FCHSD2: variants seen among roughly 807,000 people sequenced by gnomAD.
The protein encoded by FCHSD2 is FCH and double SH3 domains 2.
FCHSD2 carries 38 observed loss-of-function variants against 108.1 expected under a neutral mutation model. The observed-to-expected ratio is 0.35, with a 90% CI of 0.27 to 0.46. The LOEUF is 0.46. Ranked by LOEUF, FCHSD2 falls within the 20% of genes least tolerant of loss-of-function variation. FCHSD2 has a pLI of 1.00. For missense variants in FCHSD2, 751 were observed against 897.8 expected (o/e 0.84, Z 2.09); for synonymous variants, 279 against 314.7 (o/e 0.89, Z 1.20).
intron 8 of FCHSD2, among the ~76,000 whole-genome samples, chr11:72,927,027 C>T (rs941217205): frequency 6.6e-6 from 1 of 152,156 alleles, no homozygotes; most frequent in African/African-American, 2.4e-5. Context: ...AGGCAAATCC[C>T]TACTTAATAG....
intron 2 of FCHSD2, among the ~76,000 whole-genome samples, chr11:73,136,642 G>A (rs1238921724): frequency 2.6e-5 from 4 of 152,156 alleles, no homozygotes; most frequent in Non-Finnish European, 4.4e-5. Flanking sequence ...AACTTAAATT[G>A]AGCATAAAGT....
rs540995727 is a variant in FCHSD2, at chr11:72,849,949, G to A, written c.1309-60C>T. The A allele has an allele frequency of 1.3e-4, 179 of 1,362,648 alleles. 1 individual carries two copies. The South Asian group carries it at 1.8e-3, about 14-fold the overall frequency. 84.4% of individuals were successfully genotyped at this position (1,362,648 alleles called of 1,614,324 possible). On this transcript the variant is annotated intron_variant, in intron 13 of 19. Coordinates refer to ENST00000409418, the MANE Select transcript of FCHSD2 (RefSeq NM_014824.3). ...TACTTCAAGAAAATGGTTGAAAGCC[G>A]GAAAAACACTTAAAACCTGATTGTT...
chr11:72,866,509 A>T (rs1854727957), intron 13 of FCHSD2, among the ~76,000 whole-genome samples: 1 of 152,086 alleles, frequency 6.6e-6, no homozygotes, highest in African/African-American at 2.4e-5. Flanking sequence ...ACCTCAGGTG[A>T]TCCATCTGCC....
At chr11:73,135,016 C>T (rs1412587639) in intron 2 of FCHSD2, among the ~76,000 whole-genome samples, 1 of 152,014 alleles carries the variant, frequency 6.6e-6, no homozygotes, top group African/African-American at 2.4e-5. Context: ...ACCATGCACA[C>T]CTAATTTTTG....
At position 72,842,713 on chromosome 11, in the gene FCHSD2, A is replaced by C. The variant is rs758595614; in HGVS notation, c.1834T>G (p.Phe612Val). Residue 612 changes from phenylalanine (F) to valine (V), a missense_variant, in exon 17 of 20, where the codon TTC becomes GTC. Coordinates refer to ENST00000409418, the MANE Select transcript of FCHSD2 (RefSeq NM_014824.3). ...GGGAAAACTCCAATACGCCCATTGA[A>C]TTCCCCTTCCCAGAAGCCATCATCA... ...QDDDGFWEGE[F>V]NGRIGVFPSV... 8.1e-6 allele frequency: 13 copies of C among 1,614,022 alleles called. No individual in the cohort carries two copies. The highest frequency in any genetic ancestry group is 1.1e-5 in the Non-Finnish European group (13 of 1,179,906).
intron 14 of FCHSD2, among the ~76,000 whole-genome samples, chr11:72,847,462 A>G (rs1861177055): frequency 6.6e-6 from 1 of 152,212 alleles, no homozygotes; most frequent in Non-Finnish European, 1.5e-5. Flanking sequence ...AGACAAGGTA[A>G]ACATACAGAG....
In FCHSD2 at chr11:72,843,550, C is replaced by G; in HGVS notation, c.1444-18G>C. On this transcript the variant is annotated intron_variant, in intron 14 of 19. Coordinates refer to ENST00000409418, the MANE Select transcript of FCHSD2 (RefSeq NM_014824.3). ...TGAGAAGCCTGCAGTGTAGGATGGTCATGGACAAAATTAAAAAGGTTAGAT... is the reference window on the plus strand; with the variant it reads ...TGAGAAGCCTGCAGTGTAGGATGGTGATGGACAAAATTAAAAAGGTTAGAT... 2 of 1,595,368 alleles carry G rather than the reference C, an allele frequency of 1.3e-6. No individual in the cohort carries two copies. Among genetic ancestry groups the G allele is most frequent in the Non-Finnish European group, 1.7e-6 (2 of 1,163,204 alleles).
chr11:72,914,616 G>C (rs1855833637), intron 9 of FCHSD2, among the ~76,000 whole-genome samples: 1 of 152,078 alleles, frequency 6.6e-6, no homozygotes. Flanking sequence ...CAACAAACCT[G>C]ACAAAAAGCA....
chr11:73,119,737 A>C lies in FCHSD2; in HGVS notation c.119+20294T>G, dbSNP rs1860687951. The stretch of plus-strand genomic sequence containing the variant: ...GCTGGGATTACAGGTGTAAACTAGC[A>C]TACCTGGCCTAGACAGCCATTTAAA... On this transcript the variant is annotated intron_variant, in intron 2 of 19. Coordinates refer to ENST00000409418, the MANE Select transcript of FCHSD2 (RefSeq NM_014824.3). Among the ~76,000 whole-genome samples, 3 of 152,160 alleles carry C rather than the reference A, an allele frequency of 2.0e-5. No individual in the cohort carries two copies. The South Asian group carries it at 6.2e-4, about 32-fold the overall frequency.
At chr11:72,966,641 A>G (rs536502829) in intron 8 of FCHSD2, among the ~76,000 whole-genome samples, 3 of 152,328 alleles carry the variant, frequency 2.0e-5, no homozygotes, top group Non-Finnish European at 2.9e-5. Flanking sequence ...CAACAGATAT[A>G]TATGTCAGTT....
At chr11:72,899,519 G>A (rs182736697) in intron 10 of FCHSD2, among the ~76,000 whole-genome samples, 1 of 152,030 alleles carries the variant, frequency 6.6e-6, no homozygotes. Context: ...GATCTTTTGA[G>A]CCCAGGAGTT....
intron 9 of FCHSD2, among the ~76,000 whole-genome samples, chr11:72,921,518 G>T (rs573358915): frequency 1.3e-5 from 2 of 152,274 alleles, no homozygotes; most frequent in East Asian, 3.9e-4. Context: ...CATGTGAGCA[G>T]AGTGCATTTA....
chr11:72,954,618 T>C (rs953716746), intron 8 of FCHSD2, among the ~76,000 whole-genome samples: 1 of 152,050 alleles, frequency 6.6e-6, no homozygotes, highest in African/African-American at 2.4e-5. Context: ...AATATAGTTG[T>C]CATTACTGAA....
In FCHSD2 at chr11:72,923,917, G is replaced by A. The variant is rs564294699; in HGVS notation, c.706-1967C>T. On this transcript the variant is annotated intron_variant, in intron 8 of 19. Coordinates refer to ENST00000409418, the MANE Select transcript of FCHSD2 (RefSeq NM_014824.3). ...TTGTGCTATTGAAATACAGCTCTGCGTGACAGAGCAAGACTCAGTCTCAGA... is the reference window on the plus strand; with the variant it reads ...TTGTGCTATTGAAATACAGCTCTGCATGACAGAGCAAGACTCAGTCTCAGA... 3.9e-5 allele frequency among the ~76,000 whole-genome samples: 6 copies of A among 152,180 alleles called. No homozygotes were observed. The East Asian group carries it at 9.6e-4, about 24-fold the overall frequency.
At chr11:73,012,714 C>T (rs1367111074) in intron 4 of FCHSD2, among the ~76,000 whole-genome samples, 1 of 152,128 alleles carries the variant, frequency 6.6e-6, no homozygotes, top group African/African-American at 2.4e-5. Context: ...TTCTTCATCT[C>T]TCTCCCCCTG....
At chr11:72,851,952 T>C (rs763255097) in intron 13 of FCHSD2, among the ~76,000 whole-genome samples, 3 of 149,210 alleles carry the variant, frequency 2.0e-5, no homozygotes, top group Admixed American at 6.7e-5. Context: ...TCACGGTTCA[T>C]TGCAGTGTCA....
At chr11:72,925,880 G>A (rs1031661500) in intron 8 of FCHSD2, among the ~76,000 whole-genome samples, 1 of 152,162 alleles carries the variant, frequency 6.6e-6, no homozygotes, top group Admixed American at 6.5e-5. Context: ...TACAGACCCT[G>A]GCCTCCTGGT....
intron 3 of FCHSD2, among the ~76,000 whole-genome samples, chr11:73,048,348 T>G (rs571766372): frequency 6.6e-6 from 1 of 152,218 alleles, no homozygotes; most frequent in Non-Finnish European, 1.5e-5. Flanking sequence ...TAGTACTGGC[T>G]TGTTATTTAC....
At chr11:72,946,536 A>G (rs996445185) in intron 8 of FCHSD2, among the ~76,000 whole-genome samples, 14 of 152,148 alleles carry the variant, frequency 9.2e-5, no homozygotes, top group African/African-American at 2.7e-4. Context: ...CCTAAAACTT[A>G]AAGTATAATT....
Sources: gnomAD v4.1 joint callset for allele counts (sites outside exome capture counted in the v4.1 genomes callset) on GRCh38, gnomAD v4.1.1 for gene constraint, MANE v1.5 for transcripts, NCBI Gene and HGNC (gene_info 2026-07-23, HGNC 2026-07-21) for gene names.